The following SNTG1 variants were observed in gnomAD, a reference collection of about 807,000 sequenced individuals.
SNTG1 encodes syntrophin gamma 1.
Under a neutral mutation model 74.7 loss-of-function variants are expected in SNTG1, and 39 were observed. The observed-to-expected ratio is 0.52, with a 90% CI of 0.40 to 0.68. SNTG1 has a LOEUF of 0.68. Among genes scored for constraint, SNTG1 ranks in the 30% least tolerant of loss-of-function variants. The pLI, the probability that SNTG1 is intolerant of heterozygous loss-of-function variation, is 0.00. For missense variants in SNTG1, 685 were observed against 609.5 expected (o/e 1.12, Z -1.30); for synonymous variants, 254 against 217.1 (o/e 1.17, Z -1.49).
intron 13 of SNTG1, among the ~76,000 whole-genome samples, chr8:50,610,406 G>A (rs748811015): frequency 1.6e-4 from 24 of 152,024 alleles, no homozygotes; most frequent in Non-Finnish European, 3.1e-4. Context: ...CTGTGATTTG[G>A]GGGCTCTTTT....
At chr8:50,644,688 C>G (rs1420265049) in intron 13 of SNTG1, among the ~76,000 whole-genome samples, 1 of 152,016 alleles carries the variant, frequency 6.6e-6, no homozygotes, top group Non-Finnish European at 1.5e-5. Context: ...GGATTTCTGT[C>G]CCAAACTCCT....
At chr8:50,711,998 A>G (rs1452403780) in intron 17 of SNTG1, among the ~76,000 whole-genome samples, 1 of 152,256 alleles carries the variant, frequency 6.6e-6, no homozygotes, top group Non-Finnish European at 1.5e-5. Context: ...ATATTCTTTT[A>G]AAAATGTATA....
At chr8:50,027,072 C>T (rs1432380536) in intron 1 of SNTG1, among the ~76,000 whole-genome samples, 1 of 152,144 alleles carries the variant, frequency 6.6e-6, no homozygotes, top group Non-Finnish European at 1.5e-5. Flanking sequence ...GTACATCCTA[C>T]ACACCATTAG....
intron 1 of SNTG1, among the ~76,000 whole-genome samples, chr8:50,030,563 G>A (rs1817657080): frequency 6.6e-6 from 1 of 151,662 alleles, no homozygotes; most frequent in Non-Finnish European, 1.5e-5. Context: ...TTTTGTCTAT[G>A]GATAGCCAAT....
chr8:49,969,461 A>G (rs1381050406), intron 1 of SNTG1, among the ~76,000 whole-genome samples: 2 of 134,192 alleles, frequency 1.5e-5, no homozygotes, highest in African/African-American at 5.9e-5. Flanking sequence ...CAATGGTGCA[A>G]TCTCGGCTCA....
chr8:50,100,472 C>A (rs1267245246), intron 1 of SNTG1, among the ~76,000 whole-genome samples: 1 of 151,996 alleles, frequency 6.6e-6, no homozygotes, highest in Non-Finnish European at 1.5e-5. Context: ...GATGGACATG[C>A]TGATTACCCT....
At chr8:50,000,630 A>C (rs1410704033) in intron 1 of SNTG1, among the ~76,000 whole-genome samples, 1 of 152,210 alleles carries the variant, frequency 6.6e-6, no homozygotes, top group Admixed American at 6.5e-5. Flanking sequence ...TCTCATAAGC[A>C]ATATAAAATA....
intron 1 of SNTG1, among the ~76,000 whole-genome samples, chr8:49,978,251 G>A (rs1449018181): frequency 6.6e-6 from 1 of 151,990 alleles, no homozygotes; most frequent in African/African-American, 2.4e-5. Flanking sequence ...GAGAGGGAGA[G>A]AGAGAGAGAG....
At chr8:50,274,213 A>G (rs2087954907) in intron 2 of SNTG1, among the ~76,000 whole-genome samples, 1 of 151,864 alleles carries the variant, frequency 6.6e-6, no homozygotes, top group Admixed American at 6.6e-5. Flanking sequence ...CAGCCCCCCT[A>G]GTAGCTGGGA....
intron 12 of SNTG1, among the ~76,000 whole-genome samples, chr8:50,575,258 C>T (rs1371562717): frequency 6.6e-6 from 1 of 151,980 alleles, no homozygotes; most frequent in Admixed American, 6.6e-5. Context: ...TATGAATAGC[C>T]CACTTTTTGA....
At chr8:50,595,900 A>G (rs2094724150) in intron 13 of SNTG1, among the ~76,000 whole-genome samples, 1 of 151,940 alleles carries the variant, frequency 6.6e-6, no homozygotes. Context: ...CTTCATTTTA[A>G]GTTTTAGTGT....
At chr8:50,363,511 T>G (rs537360248) in intron 2 of SNTG1, among the ~76,000 whole-genome samples, 4 of 151,202 alleles carry the variant, frequency 2.6e-5, no homozygotes, top group Non-Finnish European at 5.9e-5. Context: ...CACTTCAGGG[T>G]GTGTGTATGT....
chr8:50,260,620 G>C (rs7014377), intron 2 of SNTG1, among the ~76,000 whole-genome samples: 135,586 of 151,836 alleles, frequency 0.89, 62,030 homozygotes, highest in East Asian at 1. Flanking sequence ...TCAAATATGG[G>C]AGGAATGGTG....
chr8:49,954,998 T>G (rs1012319738), intron 1 of SNTG1, among the ~76,000 whole-genome samples: 3 of 152,236 alleles, frequency 2.0e-5, no homozygotes, highest in Non-Finnish European at 4.4e-5. Flanking sequence ...TGATCAAATC[T>G]GAAGTGTTTC....
chr8:49,940,085 T>C (rs1396748328), intron 1 of SNTG1, among the ~76,000 whole-genome samples: 2 of 152,244 alleles, frequency 1.3e-5, no homozygotes, highest in Admixed American at 6.5e-5. Context: ...TAATCTGGAG[T>C]CTGTGAAATT....
At chr8:50,571,886 T>A (rs2094550896) in intron 12 of SNTG1, among the ~76,000 whole-genome samples, 1 of 152,124 alleles carries the variant, frequency 6.6e-6, no homozygotes, top group South Asian at 2.1e-4. Flanking sequence ...ACTGAACATG[T>A]TTTAGAAACC....
At chr8:50,376,662 G>T (rs1264980404) in intron 2 of SNTG1, among the ~76,000 whole-genome samples, 2 of 145,426 alleles carry the variant, frequency 1.4e-5, no homozygotes, top group Non-Finnish European at 3.0e-5. Flanking sequence ...ATGAATCCCA[G>T]GACTTCATTT....
At chr8:50,434,905 T>G (rs2093284597) in intron 4 of SNTG1, among the ~76,000 whole-genome samples, 1 of 152,134 alleles carries the variant, frequency 6.6e-6, no homozygotes, top group Admixed American at 6.6e-5. Context: ...TGATAATCTC[T>G]TTAGTTTCTG....
chr8:50,257,822 A>T (rs184557876), intron 2 of SNTG1, among the ~76,000 whole-genome samples: 1 of 152,238 alleles, frequency 6.6e-6, no homozygotes, highest in Non-Finnish European at 1.5e-5. Flanking sequence ...CTCCAAACTT[A>T]ATTGAATCAG....
Sources: gnomAD v4.1 joint callset for allele counts (sites outside exome capture counted in the v4.1 genomes callset) on GRCh38, gnomAD v4.1.1 for gene constraint, MANE v1.5 for transcripts, NCBI Gene and HGNC (gene_info 2026-07-23, HGNC 2026-07-21) for gene names.